NFAT5: variants seen among roughly 807,000 people sequenced by gnomAD.
NFAT5 encodes nuclear factor of activated T cells 5.
NFAT5 carries 31 observed loss-of-function variants against 166.5 expected under a neutral mutation model. That is an observed-to-expected ratio of 0.19 (90% confidence interval 0.14 to 0.25). The LOEUF is 0.25. NFAT5 is among the 10% of genes least tolerant of loss of function. The pLI is 1.00. For synonymous variants in NFAT5, 612 were observed against 639.7 expected (o/e 0.96, Z 0.65); for missense variants, 1,449 against 1,821.8 (o/e 0.80, Z 3.72).
rs779443826 is a variant in NFAT5 at position 69,695,211 on chromosome 16, C to A, written c.4490C>A (p.Pro1497Gln). The A allele has an allele frequency of 1.2e-6, 2 of 1,614,152 alleles. No homozygotes were observed. The highest frequency in any genetic ancestry group is 1.7e-6 in the Non-Finnish European group (2 of 1,180,034). ...QLMAISQPGQ[P>Q]QNEGQPPVTT... is the part of the protein sequence containing the mutation. ...ATGGCCATAAGTCAGCCAGGCCAAC[C>A]ACAAAACGAGGGCCAGCCACCTGTG... Residue 1497 changes from proline to glutamine, a missense_variant, in exon 14 of 15, where the codon CCA (proline) becomes CAA (glutamine). By Grantham distance (76) the Pro-to-Gln change is moderately conservative. This residue lies in a region of NFAT5 where 891 missense variants were observed against 993.0 expected (regional missense o/e 0.90). Coordinates refer to ENST00000349945, the MANE Select transcript of NFAT5 (RefSeq NM_138713.4).
chr16:69,609,130 A>AAAAGTATTTAGGTAATCT, intron 2 of NFAT5, among the ~76,000 whole-genome samples: 1 of 152,122 alleles, frequency 6.6e-6, no homozygotes, highest in Non-Finnish European at 1.5e-5. Context: ...CAAAAAAAAA[A>AAAAGTATTTAGGTAATCT]AAAGTATTTA....
At position 69,699,979 on chromosome 16, in the gene NFAT5, TATC is replaced by T. The variant is rs1234415886; in HGVS notation, c.*3631_*3633del. Reference sequence around the variant, plus strand: ...GATCATGTTACCTTTATGATTAAAGTATCATGTTATTTAGCCAATGCAAATCTG... The same window carrying T: ...GATCATGTTACCTTTATGATTAAAGTATGTTATTTAGCCAATGCAAATCTG... On this transcript the variant is annotated 3_prime_UTR_variant, in exon 15 of 15. Transcript: ENST00000349945. 6.6e-6 allele frequency: 1 copy of T among 152,182 alleles called. No individual in the cohort carries two copies. The highest frequency in any genetic ancestry group is 1.5e-5 in the Non-Finnish European group (1 of 68,032). 9.4% of individuals were successfully genotyped at this position (152,182 alleles called of 1,614,324 possible).
In NFAT5 at chr16:69,695,190, C is replaced by T. The variant is rs766008335; in HGVS notation, c.4469C>T (p.Ala1490Val). ...GCTACATTGCCTGATCAGTTGATGG[C>T]CATAAGTCAGCCAGGCCAACCACAA... ...GPATLPDQLMAISQPGQPQNE... is the reference protein window; with the variant it reads ...GPATLPDQLMVISQPGQPQNE... The change falls in exon 14 of 15, where the codon GCC (alanine) becomes GTC (valine). Residue 1490 changes from alanine (A) to valine (V), a missense_variant. Ala to Val is a moderately conservative substitution (Grantham distance 64). Transcript: ENST00000349945. 1 of 1,614,172 alleles carries T rather than the reference C, an allele frequency of 6.2e-7. No homozygotes were observed. Among genetic ancestry groups the T allele is most frequent in the South Asian group, 1.1e-5 (1 of 91,078 alleles).
chr16:69,602,864 G>C (rs1041615306), intron 2 of NFAT5, among the ~76,000 whole-genome samples: 1 of 151,602 alleles, frequency 6.6e-6, no homozygotes, highest in Non-Finnish European at 1.5e-5. Context: ...ACCCACCTCA[G>C]CCTCACAAAG....
rs2016053388 is a variant in NFAT5, at chr16:69,566,571, C to T, written c.73+197C>T. On this transcript the variant is annotated intron_variant, in intron 1 of 14. Coordinates refer to ENST00000349945, the MANE Select transcript of NFAT5 (RefSeq NM_138713.4). The surrounding 1 kb of genome is among the most constrained non-coding windows in gnomAD (Gnocchi z 5.7). ...GGGGCGGGCGGAGCAGTGGCGGCCCCTCCCCCGCGGAGCCGCCGGCCGCTC... is the reference window on the plus strand; with the variant it reads ...GGGGCGGGCGGAGCAGTGGCGGCCCTTCCCCCGCGGAGCCGCCGGCCGCTC... Among the ~76,000 whole-genome samples, 1 of 152,040 alleles carries T rather than the reference C, an allele frequency of 6.6e-6. No homozygotes were observed. The highest frequency in any genetic ancestry group is 2.1e-4 in the South Asian group (1 of 4,836).
intron 2 of NFAT5, among the ~76,000 whole-genome samples, chr16:69,579,555 T>TA (rs1252508902): frequency 2.6e-5 from 4 of 152,136 alleles, no homozygotes; most frequent in Non-Finnish European, 4.4e-5. Flanking sequence ...ACAACATACT[T>TA]ACAGTGTAAA....
intron 2 of NFAT5, among the ~76,000 whole-genome samples, chr16:69,590,593 A>C (rs2032402347): frequency 6.6e-6 from 1 of 152,242 alleles, no homozygotes; most frequent in African/African-American, 2.4e-5. Context: ...GTTTAAACCA[A>C]ATCATGTTTT....
chr16:69,576,977 T>C (rs2016796336), intron 2 of NFAT5, among the ~76,000 whole-genome samples: 1 of 152,244 alleles, frequency 6.6e-6, no homozygotes, highest in Admixed American at 6.5e-5. Flanking sequence ...TCTGCTAGTA[T>C]GTTTCAGAGA....
chr16:69,685,591 A>C (rs1187871214), intron 11 of NFAT5: 2 of 151,132 alleles, frequency 1.3e-5, no homozygotes, highest in African/African-American at 4.9e-5. Context: ...GGTGGGTCAC[A>C]CCTATAGTCC....
At position 69,647,639 on chromosome 16, in the gene NFAT5, CAA is replaced by C. The variant is rs1182304882; in HGVS notation, c.812+60_812+61del. The C allele has an allele frequency of 2.1e-6, 3 of 1,461,082 alleles. No homozygotes were observed. The African/African-American group carries it at 4.2e-5, about 21-fold the overall frequency. The allele number at this position is 1,461,082 out of a possible 1,614,324, so 90.5% of individuals were successfully genotyped here. On this transcript the variant is annotated intron_variant, in intron 4 of 14. Coordinates refer to ENST00000349945, the MANE Select transcript of NFAT5 (RefSeq NM_138713.4). The surrounding 1 kb of genome is among the most constrained non-coding windows in gnomAD (Gnocchi z 4.8). ...ATCATCATTATGCAAAACAAACAAACAAAAAAAATTCCCAATTTTTCCTAATT... is the reference window on the plus strand; with the variant it reads ...ATCATCATTATGCAAAACAAACAAACAAAAAATTCCCAATTTTTCCTAATT...
At chr16:69,567,206 A>T (rs1311369583) in intron 1 of NFAT5, among the ~76,000 whole-genome samples, 1 of 152,080 alleles carries the variant, frequency 6.6e-6, no homozygotes, top group Admixed American at 6.6e-5. Flanking sequence ...GGTTGCAGGG[A>T]GGGAGCTCAG....
intron 2 of NFAT5, among the ~76,000 whole-genome samples, chr16:69,610,285 A>G (rs939672068): frequency 3.9e-5 from 6 of 152,152 alleles, no homozygotes; most frequent in Non-Finnish European, 7.3e-5. Context: ...TTTTTAGTTC[A>G]GGTAGTAGGA....
At chr16:69,649,018 T>C (rs2035564560) in intron 4 of NFAT5, 2 of 943,028 alleles carry the variant, frequency 2.1e-6, no homozygotes, top group Non-Finnish European at 2.5e-6. Flanking sequence ...TTTTCAGTTT[T>C]AGAAAGTCCA....
At chr16:69,603,655 G>A (rs894497587) in intron 2 of NFAT5, among the ~76,000 whole-genome samples, 2 of 152,164 alleles carry the variant, frequency 1.3e-5, no homozygotes, top group African/African-American at 4.8e-5. Flanking sequence ...AGGAGGCTGA[G>A]GTGGGAGGAT....
At chr16:69,631,276 C>G (rs913160167) in intron 3 of NFAT5, among the ~76,000 whole-genome samples, 57 of 151,974 alleles carry the variant, frequency 3.8e-4, no homozygotes, top group African/African-American at 1.4e-3. Context: ...ACTAAAAATA[C>G]AAAAATTAGC....
chr16:69,632,983 C>T (rs1364504640), intron 3 of NFAT5, among the ~76,000 whole-genome samples: 1 of 152,136 alleles, frequency 6.6e-6, no homozygotes, highest in Non-Finnish European at 1.5e-5. Flanking sequence ...AATTTAAATA[C>T]ATACACTTAT....
At chr16:69,676,919 G>A (rs767479836) in intron 9 of NFAT5, 2 of 274,302 alleles carry the variant, frequency 7.3e-6, no homozygotes, top group Admixed American at 5.5e-5. Flanking sequence ...AGAAGGGACC[G>A]AGGTCAGTGT....
At position 69,665,140 on chromosome 16, in the gene NFAT5, T is replaced by G. The variant is rs182625529; in HGVS notation, c.1370-4837T>G. ...CTGTTGGGGACTCATCTCGTAAACT[T>G]TAAAGAAAGGACCTTTTAAAAGGCC... On this transcript the variant is annotated intron_variant, in intron 7 of 14. Transcript: ENST00000349945. 1.7e-3 allele frequency among the ~76,000 whole-genome samples: 260 copies of G among 152,234 alleles called. 2 individuals carry two copies. The highest frequency in any genetic ancestry group is 2.5e-4 in the Non-Finnish European group (17 of 68,012).
At chr16:69,609,840 AAG>A (rs1393018429) in intron 2 of NFAT5, among the ~76,000 whole-genome samples, 25 of 151,294 alleles carry the variant, frequency 1.7e-4, no homozygotes, top group African/African-American at 5.6e-4. Flanking sequence ...AAAAAAAAAA[AAG>A]AAAAAAGAAA....
Sources: gnomAD v4.1 joint callset for allele counts (sites outside exome capture counted in the v4.1 genomes callset) on GRCh38, gnomAD v4.1.1 for gene constraint, gnomAD v4.1.1 regional missense constraint, Gnocchi (gnomAD v3.1) non-coding constraint, MANE v1.5 for transcripts, NCBI Gene and HGNC (gene_info 2026-07-23, HGNC 2026-07-21) for gene names.